RNLS: variants seen among roughly 807,000 people sequenced by gnomAD.
RNLS encodes renalase, FAD dependent amine oxidase.
In RNLS, 39 loss-of-function variants were observed where a neutral mutation model predicts 39.8. The observed-to-expected ratio is 0.98, with a 90% CI of 0.76 to 1.28. RNLS has a LOEUF of 1.28. Ranked by LOEUF, RNLS falls within the 50% of genes most tolerant of loss-of-function variation. The pLI is 0.00. For missense variants in RNLS, 410 were observed against 413.3 expected (o/e 0.99, Z 0.07); for synonymous variants, 147 against 150.7 (o/e 0.98, Z 0.18).
the RNLS span, among the ~76,000 whole-genome samples, chr10:88,209,282 T>C: frequency 3.9e-5 from 6 of 152,166 alleles, no homozygotes; most frequent in East Asian, 1.2e-3. Flanking sequence ...ATTGCAGATG[T>C]AGTTATTATA....
intron 4 of RNLS, among the ~76,000 whole-genome samples, chr10:88,568,544 G>T (rs1849649555): frequency 6.6e-6 from 1 of 151,884 alleles, no homozygotes; most frequent in South Asian, 2.1e-4. Flanking sequence ...GTTTTAAGAG[G>T]TGTGTCTTAG....
At chr10:88,186,490 C>T in the RNLS span, among the ~76,000 whole-genome samples, 3 of 152,068 alleles carry the variant, frequency 2.0e-5, no homozygotes, top group East Asian at 3.9e-4. Context: ...CTGTGGAAAC[C>T]CAGCAGAAGA....
At chr10:88,299,966 T>C (rs1271391346) in intron 6 of RNLS, among the ~76,000 whole-genome samples, 1 of 152,208 alleles carries the variant, frequency 6.6e-6, no homozygotes, top group African/African-American at 2.4e-5. Context: ...ATGTTAACTA[T>C]GATTATTTCT....
intron 6 of RNLS, among the ~76,000 whole-genome samples, chr10:88,278,741 T>C (rs1459507763): frequency 6.6e-6 from 1 of 152,170 alleles, no homozygotes; most frequent in African/African-American, 2.4e-5. Flanking sequence ...AGTAAAGACT[T>C]TCTGAAATCA....
intron 4 of RNLS, among the ~76,000 whole-genome samples, chr10:88,477,512 A>T (rs142366749): frequency 1.4e-4 from 22 of 152,312 alleles, no homozygotes; most frequent in African/African-American, 5.3e-4. Flanking sequence ...TGATGTAAAC[A>T]CTGACAATTG....
intron 4 of RNLS, among the ~76,000 whole-genome samples, chr10:88,464,924 C>T (rs1387512892): frequency 6.6e-6 from 1 of 152,092 alleles, no homozygotes; most frequent in African/African-American, 2.4e-5. Flanking sequence ...GCCTGTTTAT[C>T]TCATCCATAC....
chr10:88,209,512 G>A, the RNLS span, among the ~76,000 whole-genome samples: 1 of 152,148 alleles, frequency 6.6e-6, no homozygotes, highest in East Asian at 1.9e-4. Flanking sequence ...CTCTTCAAGA[G>A]CCTTTAGAGA....
chr10:88,568,961 A>G (rs1251964677), intron 4 of RNLS, among the ~76,000 whole-genome samples: 4 of 152,176 alleles, frequency 2.6e-5, no homozygotes, highest in Non-Finnish European at 5.9e-5. Flanking sequence ...ACAACCAGAA[A>G]CTCAGACTGT....
chr10:88,193,774 G>C, the RNLS span, among the ~76,000 whole-genome samples: 1 of 152,180 alleles, frequency 6.6e-6, no homozygotes, highest in East Asian at 1.9e-4. Flanking sequence ...TAATTTATTT[G>C]AGGGCAAGGA....
At chr10:88,401,965 T>C (rs555289244) in intron 4 of RNLS, among the ~76,000 whole-genome samples, 1 of 152,008 alleles carries the variant, frequency 6.6e-6, no homozygotes, top group South Asian at 2.1e-4. Flanking sequence ...CAAGACAGGA[T>C]CCTATTCCAC....
chr10:88,320,511 A>T (rs986052473), intron 5 of RNLS, among the ~76,000 whole-genome samples: 1 of 148,050 alleles, frequency 6.8e-6, no homozygotes, highest in African/African-American at 2.5e-5. Flanking sequence ...AAACTAGATT[A>T]AAAAAAACAA....
At position 88,431,062 on chromosome 10, in the gene RNLS, T is replaced by C. The variant is rs1855108939; in HGVS notation, c.527-68337A>G. 2.0e-5 allele frequency among the ~76,000 whole-genome samples: 3 copies of C among 151,762 alleles called. No individual in the cohort carries two copies. In the East Asian group the frequency reaches 5.8e-4, roughly 29 times the overall value. On this transcript the variant is annotated intron_variant, in intron 4 of 6. Transcript: ENST00000331772. ...ATTGTGTAGGATTGGTATTATGTCT[T>C]AAATATTTGGTAGAATTTTTCCAAT...
the RNLS span, among the ~76,000 whole-genome samples, chr10:88,230,423 C>G: frequency 6.6e-6 from 1 of 152,130 alleles, no homozygotes; most frequent in Non-Finnish European, 1.5e-5. Flanking sequence ...GAGTCGCCCC[C>G]TCTGCTTCAT....
intron 4 of RNLS, among the ~76,000 whole-genome samples, chr10:88,505,488 G>A (rs774267773): frequency 6.6e-6 from 1 of 151,426 alleles, no homozygotes; most frequent in African/African-American, 2.4e-5. Flanking sequence ...AGAGAGAGAG[G>A]AGGAGGCAAG....
chr10:88,389,537 A>G (rs1014808303), intron 4 of RNLS, among the ~76,000 whole-genome samples: 6 of 151,844 alleles, frequency 4.0e-5, no homozygotes, highest in Non-Finnish European at 7.4e-5. Flanking sequence ...ATTTGTTTCA[A>G]TATTTCGGTT....
In RNLS at chr10:88,533,676, T is replaced by C. The variant is rs145749239; in HGVS notation, c.526+39227A>G. Among the ~76,000 whole-genome samples the C allele has an allele frequency of 1.7e-4, 26 of 152,066 alleles. 1 individual carries two copies. The East Asian group carries it at 4.8e-3, about 28-fold the overall frequency. The stretch of plus-strand genomic sequence containing the variant: ...ATCCCTTAAAGGGCTTCTATAGAAG[T>C]GCAGGCAAGAGGTAAGGGAAGCAGG... On this transcript the variant is annotated intron_variant, in intron 4 of 6. Coordinates refer to ENST00000331772, the MANE Select transcript of RNLS (RefSeq NM_001031709.3).
chr10:88,315,737 G>GGT (rs1162133719), intron 5 of RNLS, among the ~76,000 whole-genome samples: 2 of 97,622 alleles, frequency 2.0e-5, no homozygotes, highest in Non-Finnish European at 2.4e-5. Context: ...TTACATTTCA[G>GGT]GTTTTTTTTT....
intron 4 of RNLS, among the ~76,000 whole-genome samples, chr10:88,548,034 G>A (rs2134318246): frequency 6.6e-6 from 1 of 151,914 alleles, no homozygotes; most frequent in East Asian, 1.9e-4. Context: ...GGCTGAGGCG[G>A]GGAGGGTGCC....
At chr10:88,393,421 A>T (rs1234072578) in intron 4 of RNLS, among the ~76,000 whole-genome samples, 2 of 152,132 alleles carry the variant, frequency 1.3e-5, no homozygotes, top group Non-Finnish European at 2.9e-5. Context: ...GAGCCAAATC[A>T]TGAGTGAACT....
Sources: gnomAD v4.1 joint callset for allele counts (sites outside exome capture counted in the v4.1 genomes callset) on GRCh38, gnomAD v4.1.1 for gene constraint, MANE v1.5 for transcripts, NCBI Gene and HGNC (gene_info 2026-07-23, HGNC 2026-07-21) for gene names.